The following GFRA2 variants were observed in gnomAD, a reference collection of about 807,000 sequenced individuals.
GFRA2 encodes the protein GDNF family receptor alpha-2.
GFRA2 carries 17 observed loss-of-function variants against 48.3 expected under a neutral mutation model. That is an observed-to-expected ratio of 0.35 (90% CI 0.24 to 0.53). The LOEUF (loss-of-function observed/expected upper bound fraction) is 0.53. Among genes scored for constraint, GFRA2 ranks in the 20% least tolerant of loss-of-function variants. The pLI, the probability that GFRA2 is intolerant of heterozygous loss-of-function variation, is 0.93. For synonymous variants in GFRA2, 305 were observed against 257.2 expected (o/e 1.19, Z -1.78); for missense variants, 660 against 637.3 (o/e 1.04, Z -0.38).
At chr8:21,788,088 C>T in intron 1 of GFRA2, 32 bp downstream of exon 1, 1 of 1,200,502 alleles carries the variant, frequency 8.3e-7, no homozygotes, top group Non-Finnish European at 1.2e-6. Flanking sequence ...CTTCTCGCCT[C>T]CCCCTCGAGC....
chr8:21,740,569 T>C (rs896512206), intron 4 of GFRA2, among the ~76,000 whole-genome samples: 6 of 152,296 alleles, frequency 3.9e-5, no homozygotes, highest in East Asian at 1.9e-4. Context: ...AATACCATAA[T>C]AACAGCATCC....
At chr8:21,771,054 A>T (rs973764379) in intron 3 of GFRA2, among the ~76,000 whole-genome samples, 10 of 152,192 alleles carry the variant, frequency 6.6e-5, no homozygotes, top group Non-Finnish European at 1.3e-4. Flanking sequence ...CAGACAGAGG[A>T]TGACCCACTG....
chr8:21,788,047 C>A (rs1388621224), intron 1 of GFRA2, 73 bp downstream of exon 1: 3 of 618,976 alleles, frequency 4.8e-6, no homozygotes, highest in South Asian at 2.4e-5. Context: ...CAGCCCCCCA[C>A]CGGCGCTCCG....
intron 6 of GFRA2, among the ~76,000 whole-genome samples, chr8:21,704,609 G>A (rs1418478428): frequency 6.6e-6 from 1 of 152,192 alleles, no homozygotes; most frequent in Admixed American, 6.5e-5. Context: ...TTAGGAGTTT[G>A]ACGATGTGAA....
chr8:21,730,149 A>G (rs1431066792), intron 4 of GFRA2, among the ~76,000 whole-genome samples: 1 of 152,060 alleles, frequency 6.6e-6, no homozygotes, highest in East Asian at 1.9e-4. Flanking sequence ...TCGCACTTGT[A>G]ATCCCAGCAC....
At chr8:21,803,719 A>G (rs1487344104) in intron 2 of GFRA2, among the ~76,000 whole-genome samples, 1 of 152,190 alleles carries the variant, frequency 6.6e-6, no homozygotes, top group East Asian at 1.9e-4. Context: ...TGTAATCTCC[A>G]ACTCCTATGT....
At chr8:21,712,655 C>T (rs1427775461) in intron 4 of GFRA2, among the ~76,000 whole-genome samples, 26 of 152,132 alleles carry the variant, frequency 1.7e-4, no homozygotes, top group African/African-American at 6.3e-4. Context: ...CCAAGGCAGG[C>T]GGCTGGGAGG....
chr8:21,702,075 C>T (rs1023445487), intron 7 of GFRA2, among the ~76,000 whole-genome samples: 1 of 152,178 alleles, frequency 6.6e-6, no homozygotes, highest in African/African-American at 2.4e-5. Context: ...AGCTGCCCGC[C>T]GCTCTAGCAT....
intron 2 of GFRA2, among the ~76,000 whole-genome samples, chr8:21,794,726 C>T (rs1329243445): frequency 1.3e-5 from 2 of 152,116 alleles, no homozygotes; most frequent in East Asian, 3.9e-4. Flanking sequence ...CCCCTACCTC[C>T]CTCCTACTGG....
intron 4 of GFRA2, among the ~76,000 whole-genome samples, chr8:21,734,435 T>C (rs1171268384): frequency 6.6e-6 from 1 of 152,262 alleles, no homozygotes; most frequent in Admixed American, 6.5e-5. Context: ...GCAGAGGCAC[T>C]GGGAAACATC....
chr8:21,795,088 T>C (rs34981733), intron 2 of GFRA2, among the ~76,000 whole-genome samples: 27,357 of 152,170 alleles, frequency 0.18, 3,823 homozygotes, highest in African/African-American at 0.4. Context: ...GGGAGTCCTG[T>C]AAGCCCCAGG....
chr8:21,777,206 G>A (rs1242565277), intron 2 of GFRA2, among the ~76,000 whole-genome samples: 2 of 152,208 alleles, frequency 1.3e-5, no homozygotes, highest in South Asian at 2.1e-4. Flanking sequence ...CTTCACTGCT[G>A]TGAATACTGT....
upstream of GFRA2, among the ~76,000 whole-genome samples, chr8:21,791,159 G>C (rs908778654): frequency 6.6e-6 from 1 of 152,138 alleles, no homozygotes; most frequent in Non-Finnish European, 1.5e-5. Flanking sequence ...AGCATAATGA[G>C]AGAAATTCTC....
At position 21,713,731 on chromosome 8, in the gene GFRA2, C is replaced by T. The variant is rs148060056; in HGVS notation, c.795-7690G>A. On this transcript the variant is annotated intron_variant, in intron 4 of 8. Coordinates refer to ENST00000524240, the MANE Select transcript of GFRA2 (RefSeq NM_001495.5). Reference sequence around the variant, plus strand: ...TCCACCCTATCTCCCTGCCTGGTTCCGGACAAGCAATATCTGAAATTCCAG... The same window carrying T: ...TCCACCCTATCTCCCTGCCTGGTTCTGGACAAGCAATATCTGAAATTCCAG... Among the ~76,000 whole-genome samples, 253 of 152,192 alleles carry T rather than the reference C, an allele frequency of 1.7e-3. 1 individual carries two copies. The highest frequency in any genetic ancestry group is 5.8e-3 in the African/African-American group (241 of 41,520).
intron 2 of GFRA2, among the ~76,000 whole-genome samples, chr8:21,802,171 CCT>C (rs1225498191): frequency 3.3e-5 from 5 of 152,256 alleles, no homozygotes; most frequent in Non-Finnish European, 7.3e-5. Context: ...GGGGCTCACC[CCT>C]GATTCTGCCA....
chr8:21,767,771 AC>A (rs1806248769), intron 3 of GFRA2, among the ~76,000 whole-genome samples: 1 of 152,222 alleles, frequency 6.6e-6, no homozygotes, highest in Admixed American at 6.5e-5. Context: ...CACCTGAAAT[AC>A]CACCATGAAA....
chr8:21,697,758 T>C (rs995036483), intron 7 of GFRA2, among the ~76,000 whole-genome samples: 81 of 152,282 alleles, frequency 5.3e-4, no homozygotes, highest in African/African-American at 1.9e-3. Flanking sequence ...AACTGAATCA[T>C]GGGCGTGGGT....
At chr8:21,716,954 G>A (rs1803367457) in intron 4 of GFRA2, among the ~76,000 whole-genome samples, 1 of 152,174 alleles carries the variant, frequency 6.6e-6, no homozygotes, top group Admixed American at 6.5e-5. Context: ...TCATTCTTCT[G>A]AGCAGCCTGC....
At chr8:21,749,172 G>A (rs1293120853) in intron 4 of GFRA2, among the ~76,000 whole-genome samples, 3 of 151,590 alleles carry the variant, frequency 2.0e-5, no homozygotes, top group East Asian at 3.9e-4. Context: ...AAGGACAAAT[G>A]TGAGAATTAT....
Sources: allele counts gnomAD v4.1 joint callset (sites outside exome capture counted in the v4.1 genomes callset), GRCh38; gene constraint gnomAD v4.1.1; transcripts MANE v1.5; gene names NCBI Gene and HGNC (gene_info 2026-07-23, HGNC 2026-07-21).